The following CELF2 variants were observed in gnomAD, a reference collection of about 807,000 sequenced individuals.
CELF2 encodes CUG triplet repeat RNA-binding protein 2.
CELF2 carries 8 observed loss-of-function variants against 62.6 expected under a neutral mutation model. The observed-to-expected ratio is 0.13, with a 90% CI of 0.07 to 0.23. CELF2 has a LOEUF of 0.23. Among genes scored for constraint, CELF2 ranks in the 10% least tolerant of loss-of-function variants. The pLI is 1.00. For missense variants in CELF2, 333 were observed against 671.0 expected, an observed-to-expected ratio of 0.50 and a Z score of 5.56; for synonymous variants, 258 against 250.0, an observed-to-expected ratio of 1.03 and a Z score of -0.30.
chr10:11,022,708 G>A (rs533118382), intron 1 of CELF2, among the ~76,000 whole-genome samples: 2 of 152,230 alleles, frequency 1.3e-5, no homozygotes, highest in South Asian at 2.1e-4. Flanking sequence ...GACAGGTTAC[G>A]TTTGGCATGC....
At chr10:10,556,718 T>C in the CELF2 span, among the ~76,000 whole-genome samples, 19,067 of 151,590 alleles carry the variant, frequency 0.13, 1,292 homozygotes, top group South Asian at 0.19. Flanking sequence ...TTTTAATGAT[T>C]GCCATTCTAA....
At chr10:10,561,096 G>T in the CELF2 span, among the ~76,000 whole-genome samples, 1 of 152,046 alleles carries the variant, frequency 6.6e-6, no homozygotes, top group Non-Finnish European at 1.5e-5. Flanking sequence ...GGTGCACCAG[G>T]CTCTCACAAA....
the CELF2 span, among the ~76,000 whole-genome samples, chr10:10,629,278 C>T: frequency 1.3e-5 from 2 of 152,308 alleles, no homozygotes; most frequent in East Asian, 3.9e-4. Context: ...CCTGAACACT[C>T]CTTGCTGTAC....
the CELF2 span, among the ~76,000 whole-genome samples, chr10:10,475,467 T>C: frequency 1.0e-5 from 1 of 97,452 alleles, no homozygotes; most frequent in Non-Finnish European, 2.0e-5. Context: ...GCTCCTGTGC[T>C]TGGCCACTCA....
intron 1 of CELF2, among the ~76,000 whole-genome samples, chr10:11,030,117 GGT>G: frequency 1.3e-5 from 2 of 152,264 alleles, no homozygotes; most frequent in East Asian, 3.9e-4. Context: ...GCTGCTTTTT[GGT>G]GTGTGTTTCT....
intron 1 of CELF2, among the ~76,000 whole-genome samples, chr10:10,886,328 G>GATAAT (rs1454822495): frequency 2.0e-5 from 3 of 152,150 alleles, no homozygotes; most frequent in Non-Finnish European, 2.9e-5. Flanking sequence ...CACCCAAAAT[G>GATAAT]ATAATATAAT....
At chr10:11,078,932 G>A (rs1184563727) in intron 1 of CELF2, among the ~76,000 whole-genome samples, 5 of 152,224 alleles carry the variant, frequency 3.3e-5, no homozygotes, top group African/African-American at 1.2e-4. Flanking sequence ...AGCAAATGCT[G>A]TTGGACCCAA....
intron 2 of CELF2, among the ~76,000 whole-genome samples, chr10:11,168,296 G>C (rs1003773543): frequency 2.5e-4 from 38 of 152,132 alleles, no homozygotes; most frequent in African/African-American, 9.2e-4. Context: ...ATTCCTTAAA[G>C]TATGTGGGCT....
chr10:10,924,724 C>CTTTTTTTTT lies in CELF2; in HGVS notation c.89+4735_89+4743dup, dbSNP rs745848953. Among the ~76,000 whole-genome samples the CTTTTTTTTT allele has an allele frequency of 7.7e-3, 689 of 89,108 alleles. 109 individuals carry two copies. The highest frequency in any genetic ancestry group is 0.026 in the African/African-American group (554 of 21,110). The allele number at this position is 89,108 out of a possible 152,430, so 58.5% of individuals were successfully genotyped here. ...GTATATTAATCCAGTAACTTGATCG[C>CTTTTTTTTT]TTTTTTTTTTTTTTTTTTGCCTTCT... On this transcript the variant is annotated intron_variant, in intron 2 of 13. Coordinates refer to the CELF2 transcript ENST00000636488.
At chr10:10,723,283 A>G in the CELF2 span, among the ~76,000 whole-genome samples, 1 of 152,174 alleles carries the variant, frequency 6.6e-6, no homozygotes, top group African/African-American at 2.4e-5. Flanking sequence ...AGTAAACGTC[A>G]ACTATGTCTT....
rs936173737 is a variant in CELF2, at chr10:10,983,137, A to AT, written c.89+63147dup. On this transcript the variant is annotated intron_variant, in intron 2 of 13. Transcript: ENST00000636488. The surrounding 1 kb of genome is among the most constrained non-coding windows in gnomAD (Gnocchi z 5.2). The stretch of plus-strand genomic sequence containing the variant: ...AAATAATTTAAGCTCTTTTTTCATT[A>AT]TTTTTTTTTCAATTTTTCAGAAGGC... Among the ~76,000 whole-genome samples, 21 of 150,302 alleles carry AT rather than the reference A, an allele frequency of 1.4e-4. No individual in the cohort carries two copies. Among genetic ancestry groups the AT allele is most frequent in the South Asian group, 4.2e-4 (2 of 4,734 alleles).
the CELF2 span, among the ~76,000 whole-genome samples, chr10:10,700,483 G>C: frequency 2.5e-3 from 379 of 152,308 alleles, 4 homozygotes; most frequent in African/African-American, 8.7e-3. Flanking sequence ...GTCTCTTCCT[G>C]CTTGCAGCAT....
intron 1 of CELF2, chr10:10,846,061 A>G (rs966864214): frequency 8.0e-5 from 78 of 981,048 alleles, no homozygotes; most frequent in Non-Finnish European, 9.3e-5. Context: ...CTTTCATTGT[A>G]GACTTTTGTG....
At chr10:10,651,368 C>G in the CELF2 span, among the ~76,000 whole-genome samples, 1 of 148,672 alleles carries the variant, frequency 6.7e-6, no homozygotes. Flanking sequence ...TGGAACCCAC[C>G]ACAGCTCAAG....
At chr10:10,922,046 G>A (rs547249947) in intron 2 of CELF2, among the ~76,000 whole-genome samples, 4 of 152,202 alleles carry the variant, frequency 2.6e-5, no homozygotes, top group Non-Finnish European at 2.9e-5. Context: ...ATCTGTTACC[G>A]GAGATAAGCA....
intron 1 of CELF2, among the ~76,000 whole-genome samples, chr10:11,124,767 A>G (rs962964691): frequency 3.3e-5 from 5 of 152,256 alleles, no homozygotes; most frequent in African/African-American, 1.2e-4. Flanking sequence ...TGAAATTTCC[A>G]AAGTTGCTGA....
intron 2 of CELF2, among the ~76,000 whole-genome samples, chr10:10,999,353 G>A (rs2054289355): frequency 6.6e-6 from 1 of 152,194 alleles, no homozygotes; most frequent in South Asian, 2.1e-4. Flanking sequence ...TTCACATGGA[G>A]GAAACAGATA....
At chr10:11,303,824 C>T (rs1209254763) in intron 9 of CELF2, among the ~76,000 whole-genome samples, 1 of 152,200 alleles carries the variant, frequency 6.6e-6, no homozygotes, top group East Asian at 1.9e-4. Context: ...GACTTTGCAG[C>T]CAGACCCCTG....
At chr10:11,271,984 C>T (rs757136620) in intron 7 of CELF2, among the ~76,000 whole-genome samples, 1 of 152,166 alleles carries the variant, frequency 6.6e-6, no homozygotes, top group Non-Finnish European at 1.5e-5. Context: ...TTGAGCCCTG[C>T]GTGTCCCGCC....
Sources: allele counts gnomAD v4.1 joint callset (sites outside exome capture counted in the v4.1 genomes callset), GRCh38; gene constraint gnomAD v4.1.1; non-coding constraint Gnocchi (gnomAD v3.1); transcripts MANE v1.5; gene names NCBI Gene and HGNC (gene_info 2026-07-23, HGNC 2026-07-21).